The following COL16A1 variants were observed in gnomAD, a reference collection of about 807,000 sequenced individuals.
The protein encoded by COL16A1 is collagen alpha-1(XVI) chain.
A neutral mutation model predicts 266.3 loss-of-function variants in COL16A1; 189 were observed. The observed-to-expected ratio is 0.71, with a 90% CI of 0.63 to 0.80. COL16A1 has a LOEUF of 0.80. Among genes scored for constraint, COL16A1 ranks in the 30% least tolerant of loss-of-function variants. The pLI is 0.00. For synonymous variants in COL16A1, 740 were observed against 782.3 expected (o/e 0.95, Z 0.90); for missense variants, 1,928 against 2,122.4 (o/e 0.91, Z 1.80).
Position 31,692,762 on chromosome 1 carries a change from C to G in COL16A1, c.1113+5G>C, listed in dbSNP as rs763061192. Reference sequence around the variant, plus strand: ...CCTGAAGCAGGCATCACCTCCAAGTCTTACCTGAAGTGGGGCATCCGGGGA... The same window carrying G: ...CCTGAAGCAGGCATCACCTCCAAGTGTTACCTGAAGTGGGGCATCCGGGGA... On this transcript the variant is annotated splice_donor_5th_base_variant and intron_variant, in intron 14 of 70. Coordinates refer to ENST00000373672, the MANE Select transcript of COL16A1 (RefSeq NM_001856.4). The G allele has an allele frequency of 6.8e-6, 11 of 1,613,792 alleles. 1 individual carries two copies. In the South Asian group the frequency reaches 1.2e-4, roughly 18 times the overall value.
chr1:31,695,048 TG>T, intron 11 of COL16A1, 137 bp downstream of exon 11: 2 of 873,706 alleles, frequency 2.3e-6, no homozygotes, highest in Non-Finnish European at 1.9e-6. Flanking sequence ...AGCCCGGCTC[TG>T]GGAGATGGGC....
intron 2 of COL16A1, among the ~76,000 whole-genome samples, chr1:31,701,682 T>C (rs1044661797): frequency 2.0e-5 from 3 of 151,910 alleles, no homozygotes; most frequent in African/African-American, 4.8e-5. Flanking sequence ...GTCTCCACCA[T>C]GAAAAGGATC....
chr1:31,679,814 G>A lies in COL16A1; in HGVS notation c.2708C>T (p.Pro903Leu), dbSNP rs146799146. Reference sequence around the variant, plus strand: ...AGACAAGCGACACACCTGCGGGCCCGGCTGCCAGGAGCTGCCCATCCAAAG... The same window carrying A: ...AGACAAGCGACACACCTGCGGGCCCAGCTGCCAGGAGCTGCCCATCCAAAG... ...PGLWMGSSWQ[P>L]GPQGPPGIPG... is the part of the protein sequence containing the mutation. The change falls in exon 41 of 71, where the codon CCG becomes CTG. Residue 903 changes from proline (P) to leucine (L), a missense_variant. Pro to Leu is a moderately conservative substitution (Grantham distance 98). Transcript: ENST00000373672. 3.0e-5 allele frequency: 46 copies of A among 1,551,982 alleles called. No homozygotes were observed. The highest frequency in any genetic ancestry group is 1.8e-4 in the East Asian group (8 of 43,722).
In COL16A1 at chr1:31,691,246, C is replaced by T. The variant is rs771462222; in HGVS notation, c.1399-20G>A. 2 of 1,613,160 alleles carry T rather than the reference C, an allele frequency of 1.2e-6. No individual in the cohort carries two copies. Among genetic ancestry groups the T allele is most frequent in the African/African-American group, 2.7e-5 (2 of 74,896 alleles). ...ATCCCCCTGAGGGCAGAAACAGAGT[C>T]ACGTGGAAGTTTCCAGGGACCACTC... On this transcript the variant is annotated intron_variant, in intron 19 of 70. Coordinates refer to ENST00000373672, the MANE Select transcript of COL16A1 (RefSeq NM_001856.4).
chr1:31,652,932 A>G lies in COL16A1; in HGVS notation c.4613-79T>C. On this transcript the variant is annotated intron_variant, in intron 70 of 70. Transcript: ENST00000373672. This position sits in a 1 kb window ranked among gnomAD's most constrained non-coding sequence, Gnocchi z 4.8. ...AAAGAAGCCATAATGGCATCAAATA[A>G]TACCTTACATTTGATGACTGTTTCT... The G allele has an allele frequency of 1.5e-6, 2 of 1,292,744 alleles. No individual in the cohort carries two copies. The highest frequency in any genetic ancestry group is 2.0e-6 in the Non-Finnish European group (2 of 982,686). 80.1% of individuals were successfully genotyped at this position (1,292,744 alleles called of 1,614,324 possible).
At chr1:31,653,520 G>T in intron 70 of COL16A1, 79 bp downstream of exon 70, 2 of 1,483,634 alleles carry the variant, frequency 1.3e-6, no homozygotes, top group East Asian at 2.3e-5. Context: ...GTTTGACACA[G>T]CTGTGTCATA....
In COL16A1 at chr1:31,685,676, T is replaced by A; in HGVS notation, c.1979A>T (p.Glu660Val). ...CAAGCCAAAGCCTGGAGGCCCAGGTTCCCCCTTCTCTCCGGATGGGCCAGG... is the reference window on the plus strand; with the variant it reads ...CAAGCCAAAGCCTGGAGGCCCAGGTACCCCCTTCTCTCCGGATGGGCCAGG... ...ALPGPSGEKG[E>V]PGPPGFGLPG... The change falls in exon 29 of 71, where the codon GAA becomes GTA. Residue 660 changes from glutamate (E) to valine (V), a missense_variant. Glu to Val is a moderately radical substitution (Grantham distance 121). Coordinates refer to ENST00000373672, the MANE Select transcript of COL16A1 (RefSeq NM_001856.4). The surrounding 1 kb of genome is among the most constrained non-coding windows in gnomAD (Gnocchi z 4.0). 6.2e-7 allele frequency: 1 copy of A among 1,613,828 alleles called. No individual in the cohort carries two copies. The highest frequency in any genetic ancestry group is 8.5e-7 in the Non-Finnish European group (1 of 1,179,952).
At chr1:31,654,077 GA>G (rs1640886119) in intron 68 of COL16A1, 34 bp from the exon 69 acceptor site, 8 of 1,593,182 alleles carry the variant, frequency 5.0e-6, no homozygotes, top group Admixed American at 1.7e-5. Context: ...GGACAGGTCA[GA>G]GGGTCCCCCA....
rs775864613 is a variant in COL16A1 at position 31,679,681 on chromosome 1, G to A, written c.2723C>T (p.Pro908Leu). The change falls in exon 42 of 71, where the codon CCA becomes CTA. Residue 908 changes from proline (P) to leucine (L), a missense_variant. Coordinates refer to ENST00000373672, the MANE Select transcript of COL16A1 (RefSeq NM_001856.4). The stretch of plus-strand genomic sequence containing the variant: ...GCCTGGTGGTCCGGGAATACCTGGT[G>A]GACCCTGAGGGAGAGAGAAAAGAGT... ...GSSWQPGPQGPPGIPGPPGPP... is the reference protein window; with the variant it reads ...GSSWQPGPQGLPGIPGPPGPP... The A allele has an allele frequency of 3.1e-6, 5 of 1,613,964 alleles. No homozygotes were observed. The highest frequency in any genetic ancestry group is 2.7e-5 in the African/African-American group (2 of 74,944).
intron 31 of COL16A1, 58 bp from the exon 32 acceptor site, chr1:31,684,289 G>A: frequency 4.8e-6 from 7 of 1,449,994 alleles, no homozygotes; most frequent in Non-Finnish European, 5.5e-6. Context: ...CCCAGGCCAG[G>A]ACGCCCTGCA....
rs774479018 is a variant in COL16A1, at chr1:31,666,054, C to T, written c.3385G>A (p.Gly1129Ser). ...TCACTCACCGCTGGGCCTGGGGGGC[C>T]TGGGAGGCCTTCAGATCCTGGGGGG... The part of the protein sequence containing the change: ...PGPPGSEGLP[G>S]PPGPAGPRGE... The change falls in exon 53 of 71, where the codon GGC becomes AGC. Residue 1129 changes from glycine to serine, a missense_variant. This residue lies in a region of COL16A1 where 1,552 missense variants were observed against 1,637.2 expected (regional missense o/e 0.95). Coordinates refer to ENST00000373672, the MANE Select transcript of COL16A1 (RefSeq NM_001856.4). The T allele has an allele frequency of 1.2e-5, 20 of 1,612,910 alleles. No homozygotes were observed. Among genetic ancestry groups the T allele is most frequent in the Admixed American group, 1.7e-5 (1 of 59,570 alleles).
At chr1:31,696,749 T>C (rs1196703094) in intron 8 of COL16A1, among the ~76,000 whole-genome samples, 1 of 152,150 alleles carries the variant, frequency 6.6e-6, no homozygotes, top group African/African-American at 2.4e-5. Context: ...CACCCATAGG[T>C]AGGTGGGCAC....
chr1:31,702,840 C>G (rs990618420), intron 1 of COL16A1, among the ~76,000 whole-genome samples: 1 of 152,126 alleles, frequency 6.6e-6, no homozygotes, highest in Admixed American at 6.5e-5. Context: ...GAGAGCAGGT[C>G]TCTAGGGCTC....
intron 36 of COL16A1, 37 bp downstream of exon 36, chr1:31,683,157 T>C (rs2148765496): frequency 1.2e-6 from 2 of 1,613,892 alleles, no homozygotes; most frequent in Non-Finnish European, 1.7e-6. Flanking sequence ...CACTCTGGAA[T>C]ACTGCAGGCC....
In COL16A1 at chr1:31,652,908, A is replaced by C; in HGVS notation, c.4613-55T>G. On this transcript the variant is annotated intron_variant, in intron 70 of 70. Transcript: ENST00000373672. This position sits in a 1 kb window ranked among gnomAD's most constrained non-coding sequence, Gnocchi z 4.8. Reference sequence around the variant, plus strand: ...TCAGAAGACCCAGATCATAAGGGAAAAGAAGCCATAATGGCATCAAATAAT... The same window carrying C: ...TCAGAAGACCCAGATCATAAGGGAACAGAAGCCATAATGGCATCAAATAAT... 1 of 1,404,122 alleles carries C rather than the reference A, an allele frequency of 7.1e-7. No homozygotes were observed. The highest frequency in any genetic ancestry group is 9.3e-7 in the Non-Finnish European group (1 of 1,071,668). 87.0% of individuals were successfully genotyped at this position (1,404,122 alleles called of 1,614,324 possible).
chr1:31,671,799 T>C, intron 47 of COL16A1, 140 bp from the exon 48 acceptor site: 1 of 952,180 alleles, frequency 1.1e-6, no homozygotes, highest in Non-Finnish European at 1.6e-6. Flanking sequence ...ACTTAGCTGA[T>C]GTTCGAACAA....
chr1:31,684,932 G>A, intron 29 of COL16A1, 76 bp from the exon 30 acceptor site: 5 of 1,607,190 alleles, frequency 3.1e-6, no homozygotes, highest in South Asian at 1.1e-5. Flanking sequence ...ATCAGGCTGG[G>A]GCATACAACA....
In COL16A1 at chr1:31,665,608, C is replaced by G; in HGVS notation, c.3467G>C (p.Gly1156Ala). 1 of 1,613,890 alleles carries G rather than the reference C, an allele frequency of 6.2e-7. No homozygotes were observed. The highest frequency in any genetic ancestry group is 8.5e-7 in the Non-Finnish European group (1 of 1,179,848). ...SGEKGDQGFQ[G>A]QPGFPGPPGP... is the part of the protein sequence containing the mutation. ...CGGTGGGCCCGGAAAGCCTGGCTGG[C>G]CTTGAAATCCCTAGGGTGAGAAGCA... Residue 1156 changes from glycine (G) to alanine (A), a missense_variant, in exon 55 of 71, where the codon GGC (glycine) becomes GCC (alanine). Around this residue, in one of 2 missense-constraint regions of COL16A1, gnomAD observed 1,552 missense variants for 1,637.2 expected, o/e 0.95. Transcript: ENST00000373672.
chr1:31,702,787 G>A (rs980354132), intron 1 of COL16A1, among the ~76,000 whole-genome samples: 1 of 152,210 alleles, frequency 6.6e-6, no homozygotes, highest in Non-Finnish European at 1.5e-5. Flanking sequence ...CCATAGGGCT[G>A]TGTGGGGGCC....
Sources: gnomAD v4.1 joint callset for allele counts (sites outside exome capture counted in the v4.1 genomes callset) on GRCh38, gnomAD v4.1.1 for gene constraint, gnomAD v4.1.1 regional missense constraint, Gnocchi (gnomAD v3.1) non-coding constraint, MANE v1.5 for transcripts, NCBI Gene and HGNC (gene_info 2026-07-23, HGNC 2026-07-21) for gene names.